CYP26A1: variants seen among roughly 807,000 people sequenced by gnomAD.
CYP26A1 encodes the protein cytochrome P450 26A1.
In CYP26A1, 46 loss-of-function variants were observed where a neutral mutation model predicts 47.4. The observed-to-expected ratio is 0.97, with a 90% CI of 0.77 to 1.24. The LOEUF (loss-of-function observed/expected upper bound fraction) is 1.24, where lower values mean the gene tolerates loss of function less well. Among genes scored for constraint, CYP26A1 ranks in the 50% most tolerant of loss-of-function variants. CYP26A1 has a pLI of 0.00. For synonymous variants in CYP26A1, 277 were observed against 263.7 expected, an observed-to-expected ratio of 1.05 and a Z score of -0.49; for missense variants, 680 against 644.4, an observed-to-expected ratio of 1.06 and a Z score of -0.60.
rs75690427 is a variant in CYP26A1, at chr10:93,074,960, A to C, written c.596A>C (p.Gln199Pro). Residue 199 changes from glutamine to proline, a missense_variant, in exon 3 of 7, where the codon CAA becomes CCA. Gln to Pro is a moderately conservative substitution (Grantham distance 76). Transcript: ENST00000224356. The surrounding 1 kb of genome is among the most constrained non-coding windows in gnomAD (Gnocchi z 5.3). ...AMRILLGCEP[Q>P]LAGDGDSEQQ... The stretch of plus-strand genomic sequence containing the variant: ...CGCATCCTACTGGGCTGCGAACCCC[A>C]ACTGGCGGGCGACGGGGACTCCGAG... The C allele has an allele frequency of 6.2e-7, 1 of 1,613,178 alleles. No individual in the cohort carries two copies. The highest frequency in any genetic ancestry group is 2.2e-5 in the East Asian group (1 of 44,864).
upstream of CYP26A1, chr10:93,073,759 G>C: frequency 1.8e-6 from 1 of 568,152 alleles, no homozygotes. Context: ...TTTGGGCAGC[G>C]CCTCGCGGGG....
chr10:93,076,399 C>T (rs1846977666), intron 5 of CYP26A1, 145 bp from the exon 6 acceptor site: 1 of 613,900 alleles, frequency 1.6e-6, no homozygotes, highest in Non-Finnish European at 2.9e-6. Context: ...AGGCAAATGG[C>T]CATTAGCTGC....
chr10:93,075,941 GAGAAGAGCTGAAGAGTAAGGT>G lies in CYP26A1; in HGVS notation c.983_999+4del. 1 of 1,613,296 alleles carries G rather than the reference GAGAAGAGCTGAAGAGTAAGGT, an allele frequency of 6.2e-7. No homozygotes were observed. Among genetic ancestry groups the G allele is most frequent in the Non-Finnish European group, 8.5e-7 (1 of 1,179,220 alleles). On this transcript the variant is annotated splice_donor_variant and coding_sequence_variant, in exon 5 of 7. Transcript: ENST00000224356. LOFTEE classifies it high-confidence loss of function. ...TACCCACATGTTCTCCAGAAAGTGCGAGAAGAGCTGAAGAGTAAGGTAGGGAGACTGGGTCTGGGGGTGTCC... is the reference window on the plus strand; with the variant it reads ...TACCCACATGTTCTCCAGAAAGTGCGAGGGAGACTGGGTCTGGGGGTGTCC...
intron 5 of CYP26A1, 47 bp from the exon 6 acceptor site, chr10:93,076,497 A>G: frequency 7.0e-7 from 1 of 1,421,026 alleles, no homozygotes; most frequent in Non-Finnish European, 9.7e-7. Context: ...GGCTGATTTT[A>G]TTGGAGCACA....
chr10:93,076,977 C>A lies in CYP26A1; in HGVS notation c.1167C>A (p.Pro389=). 6.3e-7 allele frequency: 1 copy of A among 1,589,260 alleles called. No homozygotes were observed. The highest frequency in any genetic ancestry group is 1.7e-5 in the Admixed American group (1 of 57,302). ...KTFELNGYQI[P]KGWNVIYSIC... is the part of the protein sequence containing the mutation. ...ATCTTTTGCAGGGATACCAGATTCC[C>A]AAGGGCTGGAATGTTATCTACAGTA... Residue 389 remains proline (P), a synonymous_variant, in exon 7 of 7, where the codon CCC becomes CCA. Coordinates refer to ENST00000224356, the MANE Select transcript of CYP26A1 (RefSeq NM_000783.4).
At position 93,077,252 on chromosome 10, in the gene CYP26A1, A is replaced by G. The variant is rs1344858518; in HGVS notation, c.1442A>G (p.Tyr481Cys). ...PPTMKTSPTV[Y>C]PVDNLPARFT... ...ACAATGAAAACCAGTCCCACCGTGT[A>G]TCCTGTGGACAATCTCCCTGCAAGA... Residue 481 changes from tyrosine (Y) to cysteine (C), a missense_variant, in exon 7 of 7, where the codon TAT (tyrosine) becomes TGT (cysteine). By Grantham distance (194) the Tyr-to-Cys change is radical (BLOSUM62 -2). Transcript: ENST00000224356. 1 of 1,584,146 alleles carries G rather than the reference A, an allele frequency of 6.3e-7. No individual in the cohort carries two copies. The highest frequency in any genetic ancestry group is 1.3e-5 in the African/African-American group (1 of 74,222).
upstream of CYP26A1, chr10:93,073,605 C>A (rs1846925312): frequency 8.6e-6 from 3 of 350,134 alleles, no homozygotes; most frequent in South Asian, 1.0e-4. Context: ...GGAGTCCTGG[C>A]CCTCCCCCAC....
Position 93,075,006 on chromosome 10 carries a change from C to A in CYP26A1, c.642C>A (p.Phe214Leu). ...CCGAGCAGCAGCTTGTGGAGGCCTT[C>A]GAGGAAATGACCCGCAATCTCTTCT... Reference protein sequence around the residue: ...GDSEQQLVEAFEEMTRNLFSL... With the variant: ...GDSEQQLVEALEEMTRNLFSL... Residue 214 changes from phenylalanine (F) to leucine (L), a missense_variant, in exon 3 of 7, where the codon TTC (phenylalanine) becomes TTA (leucine). Physicochemically the swap from Phe to Leu is conservative, Grantham distance 22. Coordinates refer to ENST00000224356, the MANE Select transcript of CYP26A1 (RefSeq NM_000783.4). The A allele has an allele frequency of 6.2e-7, 1 of 1,613,096 alleles. No individual in the cohort carries two copies. Among genetic ancestry groups the A allele is most frequent in the South Asian group, 1.1e-5 (1 of 91,088 alleles).
intron 4 of CYP26A1, 69 bp from the exon 5 acceptor site, chr10:93,075,757 G>T: frequency 1.6e-6 from 2 of 1,239,338 alleles, no homozygotes; most frequent in Non-Finnish European, 2.4e-6. Flanking sequence ...CTCTCAGTTC[G>T]ATTCTGAGTA....
chr10:93,075,792 A>G, intron 4 of CYP26A1, 34 bp from the exon 5 acceptor site: 1 of 1,578,426 alleles, frequency 6.3e-7, no homozygotes, highest in Non-Finnish European at 8.7e-7. Context: ...CCGCAGGCAG[A>G]CTTGTGAGAA....
chr10:93,073,869 C>T (rs1846928870), upstream of CYP26A1: 5 of 649,644 alleles, frequency 7.7e-6, no homozygotes, highest in South Asian at 8.9e-5. Flanking sequence ...GCCTATAAAG[C>T]GGCAGCGCCG....
upstream of CYP26A1, chr10:93,073,689 C>A: frequency 1.9e-6 from 1 of 526,084 alleles, no homozygotes; most frequent in Non-Finnish European, 3.3e-6. Flanking sequence ...AGGAGGCGCG[C>A]TCGGAGGGAA....
rs1169904338 is a variant in CYP26A1, at chr10:93,075,294, G to C, written c.851G>C (p.Arg284Pro). 6.2e-7 allele frequency: 1 copy of C among 1,613,730 alleles called. No individual in the cohort carries two copies. Among genetic ancestry groups the C allele is most frequent in the Non-Finnish European group, 8.5e-7 (1 of 1,179,826 alleles). ...GAGCACTCGTGGGAGAGGGGAGAGC[G>C]GCTGGACATGCAGGTGAGTAGCAGC... ...LIEHSWERGE[R>P]LDMQALKQSS... Residue 284 changes from arginine to proline, a missense_variant, in exon 4 of 7, where the codon CGG becomes CCG. Arg to Pro is a moderately radical substitution (Grantham distance 103). Transcript: ENST00000224356.
In CYP26A1 at chr10:93,076,668, G is replaced by T. The variant is rs763817649; in HGVS notation, c.1124G>T (p.Arg375Leu). ...RLNPPVPGGF[R>L]VALKTFELNG... ...AATCCCCCAGTTCCAGGAGGGTTTC[G>T]GGTTGCTCTGAAGACTTTTGAATTA... The change falls in exon 6 of 7, where the codon CGG becomes CTG. Residue 375 changes from arginine to leucine, a missense_variant. Coordinates refer to ENST00000224356, the MANE Select transcript of CYP26A1 (RefSeq NM_000783.4). The T allele has an allele frequency of 5.0e-6, 8 of 1,610,816 alleles. No individual in the cohort carries two copies. The highest frequency in any genetic ancestry group is 1.3e-5 in the African/African-American group (1 of 74,762).
At chr10:93,076,826 C>T (rs1304282772) in intron 6 of CYP26A1, 130 bp downstream of exon 6, 2 of 902,208 alleles carry the variant, frequency 2.2e-6, no homozygotes, top group African/African-American at 1.7e-5. Context: ...GTTTCAGCAA[C>T]CTGGATCCAC....
In CYP26A1 at chr10:93,074,971, G is replaced by A. The variant is rs2134422946; in HGVS notation, c.607G>A (p.Asp203Asn). Residue 203 changes from aspartate to asparagine, a missense_variant, in exon 3 of 7, where the codon GAC becomes AAC. Physicochemically the swap from Asp to Asn is conservative, Grantham distance 23 (BLOSUM62 1). Transcript: ENST00000224356. The surrounding 1 kb of genome is among the most constrained non-coding windows in gnomAD (Gnocchi z 5.3). ...LLGCEPQLAG[D>N]GDSEQQLVEA... ...GGGCTGCGAACCCCAACTGGCGGGC[G>A]ACGGGGACTCCGAGCAGCAGCTTGT... The A allele has an allele frequency of 1.9e-6, 3 of 1,613,200 alleles. No homozygotes were observed. Among genetic ancestry groups the A allele is most frequent in the East Asian group, 2.2e-5 (1 of 44,864 alleles).
chr10:93,075,374 G>A (rs1372828114), intron 4 of CYP26A1, 67 bp downstream of exon 4: 1 of 1,515,808 alleles, frequency 6.6e-7, no homozygotes, highest in Non-Finnish European at 9.0e-7. Context: ...GCTGTTCCTG[G>A]GGCCCCCAAA....
In CYP26A1 at chr10:93,077,679, G is replaced by T. The variant is rs1846995227; in HGVS notation, c.*375G>T. On this transcript the variant is annotated 3_prime_UTR_variant, in exon 7 of 7. Coordinates refer to ENST00000224356, the MANE Select transcript of CYP26A1 (RefSeq NM_000783.4). ...GTTATTAGAAAATATATGTCTGTGT[G>T]TGTTATTCCAGACGTATCTCTGTAA... 6.5e-6 allele frequency: 1 copy of T among 154,294 alleles called. No homozygotes were observed. The highest frequency in any genetic ancestry group is 2.4e-5 in the African/African-American group (1 of 41,516). 9.6% of individuals were successfully genotyped at this position (154,294 alleles called of 1,614,324 possible).
Position 93,074,266 on chromosome 10 carries a change from G to T in CYP26A1, c.190-42G>T, listed in dbSNP as rs767299392. On this transcript the variant is annotated intron_variant, in intron 1 of 6. Transcript: ENST00000224356. This position sits in a 1 kb window ranked among gnomAD's most constrained non-coding sequence, Gnocchi z 5.3. ...TGGCGGGAGCGCGGCGCTCCCCGGC[G>T]CCCCCTCATGCCCACTTCTCTCCTC... The T allele has an allele frequency of 6.6e-7, 1 of 1,508,006 alleles. No individual in the cohort carries two copies. Among genetic ancestry groups the T allele is most frequent in the Non-Finnish European group, 9.2e-7 (1 of 1,090,442 alleles). The allele number at this position is 1,508,006 out of a possible 1,614,324, so 93.4% of individuals were successfully genotyped here.
Sources: gnomAD v4.1 joint callset for allele counts on GRCh38, gnomAD v4.1.1 for gene constraint, Gnocchi (gnomAD v3.1) non-coding constraint, MANE v1.5 for transcripts, NCBI Gene and HGNC (gene_info 2026-07-23, HGNC 2026-07-21) for gene names.